Variants in DCHS1 observed in about 807,000 individuals in gnomAD.
The protein encoded by DCHS1 is dachsous cadherin-related 1.
Under a neutral mutation model 213.9 loss-of-function variants are expected in DCHS1, and 78 were observed. That is an observed-to-expected ratio of 0.36 (90% CI 0.30 to 0.44). The LOEUF is 0.44. Ranked by LOEUF, DCHS1 falls within the 20% of genes least tolerant of loss-of-function variation. The pLI is 1.00. For missense variants in DCHS1, 3,946 were observed against 4,395.9 expected (o/e 0.90, Z 2.89); for synonymous variants, 1,828 against 1,873.7 (o/e 0.98, Z 0.63).
At position 6,639,806 on chromosome 11, in the gene DCHS1, G is replaced by A. The variant is rs922984283; in HGVS notation, c.1797+11C>T. The A allele has an allele frequency of 6.3e-6, 10 of 1,578,820 alleles. No homozygotes were observed. Among genetic ancestry groups the A allele is most frequent in the Admixed American group, 3.4e-5 (2 of 58,178 alleles). ...CCCAACACTATCTTGCTATGTGCCAGGCCTACCCACCTGCAGGAAGCAAGT... is the reference window on the plus strand; with the variant it reads ...CCCAACACTATCTTGCTATGTGCCAAGCCTACCCACCTGCAGGAAGCAAGT... On this transcript the variant is annotated intron_variant, in intron 2 of 20. Transcript: ENST00000299441.
chr11:6,647,771 G>C (rs1261984582), intron 1 of DCHS1, among the ~76,000 whole-genome samples: 1 of 152,214 alleles, frequency 6.6e-6, no homozygotes, highest in Non-Finnish European at 1.5e-5. Flanking sequence ...AGGAGAGAAA[G>C]ATGGAGAGAA....
In DCHS1 at chr11:6,630,015, C is replaced by A; in HGVS notation, c.4779G>T (p.Arg1593=). The change falls in exon 10 of 21, where the codon CGG becomes CGT. Residue 1593 remains arginine (R), a synonymous_variant. Coordinates refer to ENST00000299441, the MANE Select transcript of DCHS1 (RefSeq NM_003737.4). The part of the protein sequence containing the change: ...RLASGGDGHF[R]LHSSTGALSV... ...AACTCTCACCAGTGCTTGAGTGCAG[C>A]CGGAAGTGGCCGTCCCCGCCAGATG... The A allele has an allele frequency of 6.4e-7, 1 of 1,561,398 alleles. No individual in the cohort carries two copies. The highest frequency in any genetic ancestry group is 8.7e-7 in the Non-Finnish European group (1 of 1,149,754).
At chr11:6,639,768 GCT>G in intron 2 of DCHS1, 47 bp downstream of exon 2, 2 of 1,479,048 alleles carry the variant, frequency 1.4e-6, no homozygotes, top group Non-Finnish European at 9.2e-7. Context: ...GTCCCCTGTG[GCT>G]CTCAGATTCC....
chr11:6,633,074 G>C lies in DCHS1; in HGVS notation c.2456-18C>G. On this transcript the variant is annotated intron_variant, in intron 5 of 20. Coordinates refer to ENST00000299441, the MANE Select transcript of DCHS1 (RefSeq NM_003737.4). ...CAAGCGACCTAGGGAGGATGAAAAA[G>C]GGATCAGGAAAGAGATGGAGGGGCA... 1 of 1,579,162 alleles carries C rather than the reference G, an allele frequency of 6.3e-7. No homozygotes were observed. The highest frequency in any genetic ancestry group is 8.6e-7 in the Non-Finnish European group (1 of 1,158,978).
Position 6,633,602 on chromosome 11 carries a change from C to A in DCHS1, c.2265G>T (p.Val755=), listed in dbSNP as rs1257186428. 1 of 1,599,240 alleles carries A rather than the reference C, an allele frequency of 6.3e-7. No individual in the cohort carries two copies. The highest frequency in any genetic ancestry group is 8.5e-7 in the Non-Finnish European group (1 of 1,172,746). The part of the protein sequence containing the change: ...AWPLARRANS[V]VQLEIGAEDG... ...CCTCAGCCCCGATCTCCAGCTGCAC[C>A]ACAGAATTGGCCCGTCTGGCCAAGG... The change falls in exon 5 of 21, where the codon GTG becomes GTT. Residue 755 remains valine (V), a synonymous_variant. Transcript: ENST00000299441.
chr11:6,623,496 G>A lies in DCHS1; in HGVS notation c.8180C>T (p.Thr2727Ile), dbSNP rs767817840. 6.3e-6 allele frequency: 10 copies of A among 1,595,344 alleles called. 1 individual carries two copies. The South Asian group carries it at 1.1e-4, about 18-fold the overall frequency. The change falls in exon 21 of 21, where the codon ACT (threonine) becomes ATT (isoleucine). Residue 2727 changes from threonine (T) to isoleucine (I), a missense_variant. Around this residue, in one of 3 missense-constraint regions of DCHS1, gnomAD observed 3,384 missense variants for 3,780.1 expected, o/e 0.90. Coordinates refer to ENST00000299441, the MANE Select transcript of DCHS1 (RefSeq NM_003737.4). Reference protein sequence around the residue: ...ENQPPGTLVTTLHAIDGDAGA... With the variant: ...ENQPPGTLVTILHAIDGDAGA... ...AGCATCCCCGTCGATTGCATGCAGAGTGGTCACGAGAGTGCCTGGAGGCTG... is the reference window on the plus strand; with the variant it reads ...AGCATCCCCGTCGATTGCATGCAGAATGGTCACGAGAGTGCCTGGAGGCTG...
In DCHS1 at chr11:6,640,691, T is replaced by C; in HGVS notation, c.923A>G (p.Asp308Gly). The C allele has an allele frequency of 6.2e-7, 1 of 1,613,512 alleles. No homozygotes were observed. Among genetic ancestry groups the C allele is most frequent in the South Asian group, 1.1e-5 (1 of 91,074 alleles). ...QSEGDGPFSI[D>G]AHTGLLQLER... ...TAACTGCAGCAGCCCCGTGTGTGCG[T>C]CGATGGAGAAGGGTCCATCACCCTC... Residue 308 changes from aspartate (D) to glycine (G), a missense_variant, in exon 2 of 21, where the codon GAC (aspartate) becomes GGC (glycine). This residue lies in a region of DCHS1 where 3,384 missense variants were observed against 3,780.1 expected (regional missense o/e 0.90). Transcript: ENST00000299441. This position sits in a 1 kb window ranked among gnomAD's most constrained non-coding sequence, Gnocchi z 6.5.
Position 6,621,451 on chromosome 11 carries a change from C to A in DCHS1, c.*328G>T, listed in dbSNP as rs61875879. The A allele has an allele frequency of 4.9e-3, 2,159 of 438,292 alleles. 11 individuals are homozygous for A. Among genetic ancestry groups the A allele is most frequent in the Non-Finnish European group, 6.6e-3 (1,526 of 231,038 alleles). The allele number at this position is 438,292 out of a possible 1,614,324, so 27.2% of individuals were successfully genotyped here. ...GGTCCAAACATGTTGGAGGGACCTC[C>A]TCCATCCCCCTACCCCCAATAAATA... On this transcript the variant is annotated 3_prime_UTR_variant, in exon 21 of 21. Transcript: ENST00000299441.
Position 6,630,623 on chromosome 11 carries a change from C to T in DCHS1, c.4171G>A (p.Ala1391Thr), listed in dbSNP as rs1000055994. 3 of 1,540,830 alleles carry T rather than the reference C, an allele frequency of 1.9e-6. No homozygotes were observed. Among genetic ancestry groups the T allele is most frequent in the Non-Finnish European group, 2.6e-6 (3 of 1,149,082 alleles). ...LDAASGRLYL[A>T]RPLDFEAGPP... ...CCAGCTTCGAAGTCCAGGGGCCGCG[C>T]CAGGTACAAGCGCCCTGAGGCCGCA... Residue 1391 changes from alanine (A) to threonine (T), a missense_variant, in exon 10 of 21, where the codon GCG (alanine) becomes ACG (threonine). By Grantham distance (58) the Ala-to-Thr change is moderately conservative (BLOSUM62 0). Around this residue, in one of 3 missense-constraint regions of DCHS1, gnomAD observed 3,384 missense variants for 3,780.1 expected, o/e 0.90. Coordinates refer to ENST00000299441, the MANE Select transcript of DCHS1 (RefSeq NM_003737.4).
Position 6,625,211 on chromosome 11 carries a change from T to C in DCHS1, c.7133A>G (p.Gln2378Arg). The C allele has an allele frequency of 6.3e-7, 1 of 1,595,782 alleles. No individual in the cohort carries two copies. Residue 2378 changes from glutamine to arginine, a missense_variant, in exon 19 of 21, where the codon CAG becomes CGG. Transcript: ENST00000299441. The surrounding 1 kb of genome is among the most constrained non-coding windows in gnomAD (Gnocchi z 5.3). ...DVNDNAPAFS[Q>R]SLYQVMLLEH... ...GGGTGTCAATACCTGGTAGAGGCTC[T>C]GTGAGAAGGCAGGTGCATTGTCATT...
chr11:6,632,920 C>A lies in DCHS1; in HGVS notation c.2592G>T (p.Glu864Asp). 6.2e-7 allele frequency: 1 copy of A among 1,614,078 alleles called. No individual in the cohort carries two copies. The highest frequency in any genetic ancestry group is 8.5e-7 in the Non-Finnish European group (1 of 1,179,898). The part of the protein sequence containing the change: ...RELLGPVLEL[E>D]VRAGSGVPPA... Reference sequence around the variant, plus strand: ...GGGGCACTCCACTGCCTGCTCGCACCTCCAGCTCCAACACTGGTCCCAGTA... The same window carrying A: ...GGGGCACTCCACTGCCTGCTCGCACATCCAGCTCCAACACTGGTCCCAGTA... The change falls in exon 6 of 21, where the codon GAG becomes GAT. Residue 864 changes from glutamate to aspartate, a missense_variant. By Grantham distance (45) the Glu-to-Asp change is conservative. Coordinates refer to ENST00000299441, the MANE Select transcript of DCHS1 (RefSeq NM_003737.4). The surrounding 1 kb of genome is among the most constrained non-coding windows in gnomAD (Gnocchi z 5.9).
Position 6,624,213 on chromosome 11 carries a change from C to T in DCHS1, c.7463G>A (p.Arg2488His), listed in dbSNP as rs554254022. The T allele has an allele frequency of 1.8e-5, 29 of 1,613,268 alleles. No homozygotes were observed. In the East Asian group the frequency reaches 2.7e-4, roughly 15 times the overall value. The change falls in exon 21 of 21, where the codon CGT (arginine) becomes CAT (histidine). Residue 2488 changes from arginine to histidine, a missense_variant. Coordinates refer to ENST00000299441, the MANE Select transcript of DCHS1 (RefSeq NM_003737.4). ...HAPSFTLSHY[R>H]VAVTEDLPPG... Reference sequence around the variant, plus strand: ...GGGCAGGTCTTCAGTCACAGCCACACGGTAGTGTGACAATGTGAAGCTCGG... The same window carrying T: ...GGGCAGGTCTTCAGTCACAGCCACATGGTAGTGTGACAATGTGAAGCTCGG...
chr11:6,631,430 G>T lies in DCHS1; in HGVS notation c.3676-23C>A, dbSNP rs772135558. The T allele has an allele frequency of 8.1e-6, 13 of 1,613,410 alleles. No individual in the cohort carries two copies. The South Asian group carries it at 9.9e-5, about 12-fold the overall frequency. On this transcript the variant is annotated intron_variant, in intron 7 of 20. Transcript: ENST00000299441. ...TACCTGTGGGAACACAACTCACCTA[G>T]TGAGTCTCTTTCCTGTTCTTCAGAC... is the stretch of plus-strand genomic sequence containing the variant.
In DCHS1 at chr11:6,626,763, T is replaced by C; in HGVS notation, c.6250+26A>G. On this transcript the variant is annotated intron_variant, in intron 14 of 20. Coordinates refer to ENST00000299441, the MANE Select transcript of DCHS1 (RefSeq NM_003737.4). The surrounding 1 kb of genome is among the most constrained non-coding windows in gnomAD (Gnocchi z 5.2). ...ACCCCAGCCCATTTGGGAGTCTGAA[T>C]CTGGAAGAAATGGCTGGGGACCCAC... 1 of 1,609,288 alleles carries C rather than the reference T, an allele frequency of 6.2e-7. No individual in the cohort carries two copies. The highest frequency in any genetic ancestry group is 1.7e-5 in the Admixed American group (1 of 59,962).
At chr11:6,624,923 A>C in intron 19 of DCHS1, 55 bp from the exon 20 acceptor site, 1 of 1,604,742 alleles carries the variant, frequency 6.2e-7, no homozygotes, top group East Asian at 2.2e-5. Flanking sequence ...CCTGCTGTCC[A>C]TGCAGCCTGT....
chr11:6,634,186 T>C lies in DCHS1; in HGVS notation c.1918A>G (p.Thr640Ala), dbSNP rs753611917. The C allele has an allele frequency of 6.2e-7, 1 of 1,613,882 alleles. No individual in the cohort carries two copies. The highest frequency in any genetic ancestry group is 8.5e-7 in the Non-Finnish European group (1 of 1,179,814). ...TGGTCACGGTCCAGGGTCCGGGTTG[T>C]GCACACATCACCGCTGTGGGCATCA... ...RIDAHSGDVC[T>A]TRTLDRDQGP... Residue 640 changes from threonine (T) to alanine (A), a missense_variant, in exon 3 of 21, where the codon ACA becomes GCA. Physicochemically the swap from Thr to Ala is moderately conservative, Grantham distance 58. Transcript: ENST00000299441.
At chr11:6,654,629 G>T (rs1280508610) in intron 1 of DCHS1, among the ~76,000 whole-genome samples, 2 of 152,114 alleles carry the variant, frequency 1.3e-5, no homozygotes, top group Non-Finnish European at 2.9e-5. Context: ...TTCTGACTGG[G>T]GGTGCTTCCT....
Position 6,624,708 on chromosome 11 carries a change from G to A in DCHS1, c.7285+22C>T, listed in dbSNP as rs768634030. 20 of 1,613,646 alleles carry A rather than the reference G, an allele frequency of 1.2e-5. No homozygotes were observed. The Admixed American group carries it at 3.3e-4, about 27-fold the overall frequency. On this transcript the variant is annotated intron_variant, in intron 20 of 20. Coordinates refer to ENST00000299441, the MANE Select transcript of DCHS1 (RefSeq NM_003737.4). ...AGCCCAACACAGTCAAAGGCAAGGG[G>A]CAGATCCTGGGAAAGACGCACCATT...
Position 6,622,149 on chromosome 11 carries a change from A to G in DCHS1, c.9527T>C (p.Leu3176Pro). ...LLSWCPQFQPLASVFTEIARL... is the reference protein window; with the variant it reads ...LLSWCPQFQPPASVFTEIARL... Reference sequence around the variant, plus strand: ...AGCGATCTCTGTGAAGACACTGGCCAGTGGTTGGAACTGAGGGCACCAGCT... The same window carrying G: ...AGCGATCTCTGTGAAGACACTGGCCGGTGGTTGGAACTGAGGGCACCAGCT... Residue 3176 changes from leucine to proline, a missense_variant, in exon 21 of 21, where the codon CTG (leucine) becomes CCG (proline). Around this residue, in one of 3 missense-constraint regions of DCHS1, gnomAD observed 554 missense variants for 590.2 expected, o/e 0.94. Coordinates refer to ENST00000299441, the MANE Select transcript of DCHS1 (RefSeq NM_003737.4). This position sits in a 1 kb window ranked among gnomAD's most constrained non-coding sequence, Gnocchi z 5.4. The G allele has an allele frequency of 3.1e-6, 5 of 1,612,468 alleles. No individual in the cohort carries two copies. The highest frequency in any genetic ancestry group is 4.2e-6 in the Non-Finnish European group (5 of 1,179,694).
Sources: allele counts gnomAD v4.1 joint callset (sites outside exome capture counted in the v4.1 genomes callset), GRCh38; gene constraint gnomAD v4.1.1; regional missense constraint gnomAD v4.1.1; non-coding constraint Gnocchi (gnomAD v3.1); transcripts MANE v1.5; gene names NCBI Gene and HGNC (gene_info 2026-07-23, HGNC 2026-07-21).